The following PNPLA7 variants were observed in gnomAD, a reference collection of about 807,000 sequenced individuals.
PNPLA7 encodes the protein patatin-like phospholipase domain-containing protein 7.
A neutral mutation model predicts 161.7 loss-of-function variants in PNPLA7; 153 were observed. That is an observed-to-expected ratio of 0.95 (90% CI 0.83 to 1.08). The LOEUF (loss-of-function observed/expected upper bound fraction) is 1.08. Ranked by LOEUF, PNPLA7 falls within the 50% of genes least tolerant of loss-of-function variation. PNPLA7 has a pLI of 0.00. For missense variants in PNPLA7, 1,739 were observed against 1,856.6 expected (o/e 0.94, Z 1.16); for synonymous variants, 809 against 782.1 (o/e 1.03, Z -0.57).
intron 8 of PNPLA7, among the ~76,000 whole-genome samples, chr9:137,536,537 G>C (rs1835900414): frequency 6.6e-6 from 1 of 152,150 alleles, no homozygotes; most frequent in Non-Finnish European, 1.5e-5. Flanking sequence ...CGCTGGTTCA[G>C]GTCGTGAATC....
At chr9:137,510,054 G>A (rs1227370017) in intron 12 of PNPLA7, among the ~76,000 whole-genome samples, 1 of 152,200 alleles carries the variant, frequency 6.6e-6, no homozygotes, top group Non-Finnish European at 1.5e-5. Context: ...TGTTATGCCT[G>A]GACAGGGCCA....
intron 12 of PNPLA7, among the ~76,000 whole-genome samples, chr9:137,512,962 G>GAA (rs34062048): frequency 1.6e-4 from 18 of 114,934 alleles, no homozygotes; most frequent in South Asian, 5.7e-4. Context: ...GCCTCTGTCT[G>GAA]AAAAAAAAAA....
At position 137,524,569 on chromosome 9, in the gene PNPLA7, G is replaced by C. The variant is rs1403623091; in HGVS notation, c.748-1712C>G. ...CGTGGACACAGTTCTCATCCCTCTT[G>C]CTAAATACCTAGGGATGGGACTTGT... On this transcript the variant is annotated intron_variant, in intron 8 of 34. Coordinates refer to ENST00000406427, the MANE Select transcript of PNPLA7 (RefSeq NM_001098537.3). The surrounding 1 kb of genome is among the most constrained non-coding windows in gnomAD (Gnocchi z 4.4). 6.6e-6 allele frequency among the ~76,000 whole-genome samples: 1 copy of C among 152,226 alleles called. No homozygotes were observed. The highest frequency in any genetic ancestry group is 1.5e-5 in the Non-Finnish European group (1 of 68,038).
At chr9:137,477,974 G>A (rs1832019894) in intron 25 of PNPLA7, 60 bp downstream of exon 25, 13 of 1,243,732 alleles carry the variant, frequency 1.0e-5, no homozygotes, top group African/African-American at 6.3e-5. Flanking sequence ...CCTAGCACCC[G>A]AGGGGGCGAC....
At chr9:137,522,288 A>T (rs957475587) in intron 9 of PNPLA7, among the ~76,000 whole-genome samples, 1 of 149,736 alleles carries the variant, frequency 6.7e-6, no homozygotes, top group Non-Finnish European at 1.5e-5. Context: ...GTGAGCCAGG[A>T]TGGTCTCGAT....
intron 8 of PNPLA7, among the ~76,000 whole-genome samples, chr9:137,531,647 A>G (rs1022787609): frequency 6.6e-6 from 1 of 152,232 alleles, no homozygotes; most frequent in Non-Finnish European, 1.5e-5. Flanking sequence ...ACACCCACTC[A>G]CGCCAATGAA....
At position 137,493,013 on chromosome 9, in the gene PNPLA7, C is replaced by G; in HGVS notation, c.2197G>C (p.Gly733Arg). ...CTCTGGGTTGGGAGAGGTGACCCAC[C>G]TGTCACAGGTCCCTGCTGGAGGCTG... Reference protein sequence around the residue: ...LGSLQQGPVTGHQLGLPTEGS... With the variant: ...LGSLQQGPVTRHQLGLPTEGS... Residue 733 changes from glycine (G) to arginine (R), a missense_variant and splice_region_variant, in exon 20 of 35, where the codon GGC becomes CGC. Transcript: ENST00000406427. 1 of 1,613,388 alleles carries G rather than the reference C, an allele frequency of 6.2e-7. No homozygotes were observed. Among genetic ancestry groups the G allele is most frequent in the Non-Finnish European group, 8.5e-7 (1 of 1,179,946 alleles).
intron 25 of PNPLA7, among the ~76,000 whole-genome samples, chr9:137,477,585 A>G (rs944715049): frequency 6.6e-6 from 1 of 152,026 alleles, no homozygotes; most frequent in African/African-American, 2.4e-5. Context: ...AGCAGCTGGG[A>G]CTACAGGTGC....
Position 137,505,706 on chromosome 9 carries a change from C to CT in PNPLA7, c.1380dup (p.Glu461ArgfsTer6), listed in dbSNP as rs770570255. 2 of 1,614,136 alleles carry CT rather than the reference C, an allele frequency of 1.2e-6. No homozygotes were observed. The highest frequency in any genetic ancestry group is 2.2e-5 in the South Asian group (2 of 91,086). ...GCCAGGGTCTCATCCGTGTGACTCT[C>CT]TGAGTGCTGGGAGACCGTGGAGGGT... On this transcript the variant is annotated frameshift_variant, in exon 14 of 35. Coordinates refer to ENST00000406427, the MANE Select transcript of PNPLA7 (RefSeq NM_001098537.3). LOFTEE classifies it high-confidence loss of function.
chr9:137,507,213 T>A (rs1220537507), intron 12 of PNPLA7, among the ~76,000 whole-genome samples: 3 of 152,188 alleles, frequency 2.0e-5, no homozygotes, highest in Admixed American at 6.5e-5. Flanking sequence ...TGCTGTTTTT[T>A]AAAAAAATCC....
Position 137,540,799 on chromosome 9 carries a change from C to T in PNPLA7, c.667-77G>A. The T allele has an allele frequency of 7.2e-7, 1 of 1,382,472 alleles. No individual in the cohort carries two copies. The highest frequency in any genetic ancestry group is 1.0e-6 in the Non-Finnish European group (1 of 1,000,466). The allele number at this position is 1,382,472 out of a possible 1,614,324, so 85.6% of individuals were successfully genotyped here. A position where few individuals can be genotyped will look rare whatever the true frequency, so the allele number is the denominator to read the frequency against. On this transcript the variant is annotated intron_variant, in intron 7 of 34. Transcript: ENST00000406427. The surrounding 1 kb of genome is among the most constrained non-coding windows in gnomAD (Gnocchi z 5.1). ...GGGCCTGGCGGAGGCTCAGCCCAGCCCAGGGCAGTGGGGCCACGGGCCTGC... is the reference window on the plus strand; with the variant it reads ...GGGCCTGGCGGAGGCTCAGCCCAGCTCAGGGCAGTGGGGCCACGGGCCTGC...
chr9:137,535,128 G>A (rs1242968938), intron 8 of PNPLA7, among the ~76,000 whole-genome samples: 1 of 152,256 alleles, frequency 6.6e-6, no homozygotes, highest in Non-Finnish European at 1.5e-5. Flanking sequence ...GTCCTCAAGT[G>A]TCAGTACAGC....
At chr9:137,512,075 C>T (rs1430852946) in intron 12 of PNPLA7, among the ~76,000 whole-genome samples, 1 of 152,212 alleles carries the variant, frequency 6.6e-6, no homozygotes, top group Non-Finnish European at 1.5e-5. Context: ...GCCCAGCTGT[C>T]TTTCCTACTA....
intron 9 of PNPLA7, among the ~76,000 whole-genome samples, chr9:137,522,415 C>T (rs1484444715): frequency 6.6e-6 from 1 of 151,534 alleles, no homozygotes; most frequent in Non-Finnish European, 1.5e-5. Context: ...TGGTCTCGAT[C>T]TCCTGACCTC....
intron 25 of PNPLA7, among the ~76,000 whole-genome samples, chr9:137,472,233 G>A (rs529090164): frequency 6.6e-6 from 1 of 152,124 alleles, no homozygotes; most frequent in South Asian, 2.1e-4. Flanking sequence ...GAGGGAAGGT[G>A]TACTCATCCA....
chr9:137,546,060 T>G (rs934546594), intron 4 of PNPLA7, among the ~76,000 whole-genome samples: 1 of 152,164 alleles, frequency 6.6e-6, no homozygotes, highest in Non-Finnish European at 1.5e-5. Context: ...TGTGCTTCAG[T>G]GGTCACGCTC....
In PNPLA7 at chr9:137,537,748, C is replaced by T. The variant is rs1835970279; in HGVS notation, c.747+2894G>A. 6.6e-6 allele frequency among the ~76,000 whole-genome samples: 1 copy of T among 152,200 alleles called. No homozygotes were observed. Among genetic ancestry groups the T allele is most frequent in the South Asian group, 2.1e-4 (1 of 4,836 alleles). On this transcript the variant is annotated intron_variant, in intron 8 of 34. Coordinates refer to ENST00000406427, the MANE Select transcript of PNPLA7 (RefSeq NM_001098537.3). This position sits in a 1 kb window ranked among gnomAD's most constrained non-coding sequence, Gnocchi z 4.5. ...GAGGAACCCGGCCCGTCTCAGCGCA[C>T]AGCTCCCCTCTCCTGGAACAGGCAT...
intron 12 of PNPLA7, among the ~76,000 whole-genome samples, chr9:137,508,101 G>T (rs940035714): frequency 2.0e-5 from 3 of 151,858 alleles, no homozygotes; most frequent in Admixed American, 1.3e-4. Context: ...GCTGAGGCGG[G>T]TGGATCACTT....
chr9:137,490,801 T>A lies in PNPLA7; in HGVS notation c.2197+2212A>T, dbSNP rs781331252. On this transcript the variant is annotated intron_variant, in intron 20 of 34. Transcript: ENST00000406427. This position sits in a 1 kb window ranked among gnomAD's most constrained non-coding sequence, Gnocchi z 4.1. ...TCTCCTAAGTTTTAAAAATCATGTT[T>A]GATGGCTGAAAGCGAAAGTTGTAGC... 1.7e-4 allele frequency among the ~76,000 whole-genome samples: 26 copies of A among 152,210 alleles called. No individual in the cohort carries two copies. The highest frequency in any genetic ancestry group is 4.6e-4 in the Admixed American group (7 of 15,280).
Sources: gnomAD v4.1 joint callset for allele counts (sites outside exome capture counted in the v4.1 genomes callset) on GRCh38, gnomAD v4.1.1 for gene constraint, Gnocchi (gnomAD v3.1) non-coding constraint, MANE v1.5 for transcripts, NCBI Gene and HGNC (gene_info 2026-07-23, HGNC 2026-07-21) for gene names.